The following TRAPPC9 variants were observed in gnomAD, a reference collection of about 807,000 sequenced individuals.
TRAPPC9 encodes IKK2 binding protein.
TRAPPC9 carries 83 observed loss-of-function variants against 124.0 expected under a neutral mutation model. That is an observed-to-expected ratio of 0.67 (90% CI 0.56 to 0.80). The LOEUF (loss-of-function observed/expected upper bound fraction) is 0.80, where lower values mean the gene tolerates loss of function less well. Ranked by LOEUF, TRAPPC9 falls within the 30% of genes least tolerant of loss-of-function variation. The probability of loss-of-function intolerance (pLI) is 0.00; values close to 1 mark genes in which losing one functional copy is unlikely to be tolerated. For missense variants in TRAPPC9, 1,302 were observed against 1,508.3 expected, an observed-to-expected ratio of 0.86 and a Z score of 2.27; for synonymous variants, 638 against 617.5, an observed-to-expected ratio of 1.03 and a Z score of -0.49.
chr8:140,179,433 T>C (rs1390573658), intron 17 of TRAPPC9, among the ~76,000 whole-genome samples: 2 of 152,136 alleles, frequency 1.3e-5, no homozygotes, highest in African/African-American at 4.8e-5. Flanking sequence ...TGTGGTCACA[T>C]AGTATACTCT....
intron 21 of TRAPPC9, among the ~76,000 whole-genome samples, chr8:139,883,716 T>C (rs1829823219): frequency 6.6e-6 from 1 of 152,234 alleles, no homozygotes; most frequent in African/African-American, 2.4e-5. Context: ...AATTCCCAAA[T>C]TGCCCAGGCT....
chr8:139,861,223 A>T (rs1277834622), intron 21 of TRAPPC9, among the ~76,000 whole-genome samples: 1 of 152,240 alleles, frequency 6.6e-6, no homozygotes, highest in African/African-American at 2.4e-5. Flanking sequence ...ACACCTGGAC[A>T]GGGGAGGGGA....
At chr8:140,433,680 C>G (rs2070726395) in intron 4 of TRAPPC9, among the ~76,000 whole-genome samples, 1 of 152,122 alleles carries the variant, frequency 6.6e-6, no homozygotes, top group African/African-American at 2.4e-5. Flanking sequence ...TAACTGATGT[C>G]AAATCAACGT....
rs369074996 is a variant in TRAPPC9 at position 139,732,100 on chromosome 8, C to T, written c.3158G>A (p.Arg1053His). The T allele has an allele frequency of 1.4e-5, 23 of 1,606,108 alleles. No homozygotes were observed. The highest frequency in any genetic ancestry group is 6.7e-5 in the East Asian group (3 of 44,542). Residue 1053 changes from arginine (R) to histidine (H), a missense_variant, in exon 22 of 23, where the codon CGC (arginine) becomes CAC (histidine). By Grantham distance (29) the Arg-to-His change is conservative. Around this residue, in one of 3 missense-constraint regions of TRAPPC9, gnomAD observed 640 missense variants for 679.3 expected, o/e 0.94. Transcript: ENST00000438773. ...AGTGAGGGCGAAGGGCCCTACGCTG[C>T]GCGGGCTCCGGTTGGTCAGCCGCAC... ...LEVRLTNRSP[R>H]SVGPFALTVV...
intron 17 of TRAPPC9, among the ~76,000 whole-genome samples, chr8:140,185,993 C>A (rs2062347311): frequency 6.6e-6 from 1 of 152,112 alleles, no homozygotes. Flanking sequence ...CCAAGGAGGA[C>A]CCTTCCATGC....
intron 17 of TRAPPC9, among the ~76,000 whole-genome samples, chr8:140,031,135 G>C (rs375393953): frequency 6.6e-6 from 1 of 152,214 alleles, no homozygotes; most frequent in East Asian, 1.9e-4. Context: ...CCATGTCTAA[G>C]AGCGAATGTG....
intron 15 of TRAPPC9, among the ~76,000 whole-genome samples, chr8:140,272,137 G>GATGGTGGTGGTGGCA (rs370934023): frequency 6.6e-6 from 1 of 150,938 alleles, no homozygotes; most frequent in African/African-American, 2.4e-5. Context: ...TGGCGATGGT[G>GATGGTGGTGGTGGCA]ATGGTGATGG....
At chr8:140,342,825 A>T (rs573437948) in intron 9 of TRAPPC9, among the ~76,000 whole-genome samples, 1 of 152,240 alleles carries the variant, frequency 6.6e-6, no homozygotes, top group Non-Finnish European at 1.5e-5. Flanking sequence ...TTTTGGCCAG[A>T]GTTCGTATTT....
chr8:140,049,196 A>G (rs1008912638), intron 17 of TRAPPC9, among the ~76,000 whole-genome samples: 1 of 152,190 alleles, frequency 6.6e-6, no homozygotes, highest in Non-Finnish European at 1.5e-5. Flanking sequence ...CGTTCGCAGG[A>G]CCTACTGAGG....
intron 17 of TRAPPC9, among the ~76,000 whole-genome samples, chr8:140,041,251 A>T (rs549959601): frequency 6.6e-6 from 1 of 152,302 alleles, no homozygotes; most frequent in South Asian, 2.1e-4. Flanking sequence ...TACCATCAAC[A>T]TACTGTACCT....
intron 17 of TRAPPC9, among the ~76,000 whole-genome samples, chr8:140,025,534 T>A (rs1246216082): frequency 7.3e-6 from 1 of 137,874 alleles, no homozygotes; most frequent in Admixed American, 7.7e-5. Context: ...AAAGGTTTCA[T>A]GGATATGACA....
intron 8 of TRAPPC9, among the ~76,000 whole-genome samples, chr8:140,364,011 C>T (rs1482052906): frequency 1.3e-5 from 2 of 152,046 alleles, no homozygotes; most frequent in Non-Finnish European, 2.9e-5. Flanking sequence ...AAAACAGTTC[C>T]ACTTAAGGCT....
chr8:140,042,200 A>AGTGTATGTGT (rs1194498901), intron 17 of TRAPPC9, among the ~76,000 whole-genome samples: 1 of 90,826 alleles, frequency 1.1e-5, no homozygotes, highest in Non-Finnish European at 2.3e-5. Flanking sequence ...AGCCCAAAAA[A>AGTGTATGTGT]GTGTATGTGT....
intron 16 of TRAPPC9, among the ~76,000 whole-genome samples, chr8:140,230,911 G>A (rs923327887): frequency 2.0e-5 from 3 of 152,188 alleles, no homozygotes; most frequent in African/African-American, 7.2e-5. Context: ...AAGAGAAGTG[G>A]AAACTGTGGC....
intron 21 of TRAPPC9, among the ~76,000 whole-genome samples, chr8:139,862,035 CTTT>C (rs892834045): frequency 9.9e-5 from 15 of 152,266 alleles, no homozygotes; most frequent in Admixed American, 6.5e-5. Flanking sequence ...CATCAGGTGC[CTTT>C]GCTAGGCAGA....
chr8:140,384,883 A>G (rs1407618064), intron 7 of TRAPPC9, among the ~76,000 whole-genome samples: 3 of 152,238 alleles, frequency 2.0e-5, no homozygotes, highest in Admixed American at 2.0e-4. Flanking sequence ...TCAGCACCAC[A>G]TCGCACTTAT....
chr8:140,089,357 G>C (rs917001782), intron 17 of TRAPPC9, among the ~76,000 whole-genome samples: 8 of 152,174 alleles, frequency 5.3e-5, no homozygotes, highest in African/African-American at 1.9e-4. Flanking sequence ...ACTAAGACTT[G>C]CTCGGGTTTT....
At chr8:140,234,013 G>T (rs2063671951) in intron 16 of TRAPPC9, among the ~76,000 whole-genome samples, 1 of 152,098 alleles carries the variant, frequency 6.6e-6, no homozygotes, top group Non-Finnish European at 1.5e-5. Context: ...AGAAATGTGG[G>T]TACTTAAATT....
chr8:140,105,683 C>G (rs1191839479), intron 17 of TRAPPC9, among the ~76,000 whole-genome samples: 1 of 152,178 alleles, frequency 6.6e-6, no homozygotes, highest in Non-Finnish European at 1.5e-5. Flanking sequence ...CTCTGTGAAG[C>G]CTTTCCTCAG....
Sources: allele counts gnomAD v4.1 joint callset (sites outside exome capture counted in the v4.1 genomes callset), GRCh38; gene constraint gnomAD v4.1.1; regional missense constraint gnomAD v4.1.1; transcripts MANE v1.5; gene names NCBI Gene and HGNC (gene_info 2026-07-23, HGNC 2026-07-21).